Variants in XRN1 observed in about 807,000 individuals in gnomAD.
XRN1 encodes the protein 5'-3' exoribonuclease 1.
A neutral mutation model predicts 222.3 loss-of-function variants in XRN1; 67 were observed. That is an observed-to-expected ratio of 0.30 (90% CI 0.25 to 0.37). The LOEUF is 0.37. Among genes scored for constraint, XRN1 ranks in the 10% least tolerant of loss-of-function variants. The pLI is 1.00. For missense variants in XRN1, 1,707 were observed against 2,000.2 expected, an observed-to-expected ratio of 0.85 and a Z score of 2.80; for synonymous variants, 643 against 652.4, an observed-to-expected ratio of 0.99 and a Z score of 0.22.
At chr3:142,420,257 T>C (rs2068956949) in intron 10 of XRN1, 1 of 152,148 alleles carries the variant, frequency 6.6e-6, no homozygotes, top group Admixed American at 6.5e-5. Context: ...GCAGTTCAGT[T>C]TCCCACATTT....
chr3:142,427,939 T>C (rs1174595942), intron 2 of XRN1, among the ~76,000 whole-genome samples: 1 of 152,222 alleles, frequency 6.6e-6, no homozygotes, highest in Non-Finnish European at 1.5e-5. Context: ...GTTTAACTTC[T>C]CTCTCACCAA....
At chr3:142,331,925 C>T (rs1170152225) in intron 36 of XRN1, among the ~76,000 whole-genome samples, 3 of 152,114 alleles carry the variant, frequency 2.0e-5, no homozygotes, top group Non-Finnish European at 4.4e-5. Flanking sequence ...CAGGCACACG[C>T]CACCACACCT....
Position 142,365,355 on chromosome 3 carries a change from A to C in XRN1, c.3216T>G (p.Asn1072Lys). ...TCACTGTTACTCGCACCTTCTTATT[A>C]TTCTTTCTTTGCTGAGGAAAAAGAA... ...EEVEKCKQRK[N>K]NKKVRVTVKP... The change falls in exon 28 of 41, where the codon AAT becomes AAG. Residue 1072 changes from asparagine (N) to lysine (K), a missense_variant. This residue lies in a region of XRN1 where 1,234 missense variants were observed against 1,518.2 expected (regional missense o/e 0.81). Transcript: ENST00000392981. 2 of 1,567,726 alleles carry C rather than the reference A, an allele frequency of 1.3e-6. No individual in the cohort carries two copies. Among genetic ancestry groups the C allele is most frequent in the Non-Finnish European group, 1.7e-6 (2 of 1,156,456 alleles).
chr3:142,314,329 C>A (rs987861926), intron 39 of XRN1, among the ~76,000 whole-genome samples: 2 of 151,970 alleles, frequency 1.3e-5, no homozygotes, highest in South Asian at 2.1e-4. Context: ...ATAAACTAAT[C>A]AACATGAAAA....
chr3:142,428,525 T>C (rs538162527), intron 2 of XRN1, among the ~76,000 whole-genome samples: 3 of 152,272 alleles, frequency 2.0e-5, no homozygotes, highest in Admixed American at 6.5e-5. Flanking sequence ...GGTAAGACTA[T>C]TGAAGTAATC....
chr3:142,382,142 T>C (rs2067325181), intron 22 of XRN1, among the ~76,000 whole-genome samples: 1 of 152,122 alleles, frequency 6.6e-6, no homozygotes, highest in African/African-American at 2.4e-5. Flanking sequence ...TCCTGCATAA[T>C]TACAGTTTTC....
Position 142,418,983 on chromosome 3 carries a change from T to C in XRN1, c.1174-102A>G. 3 of 1,047,572 alleles carry C rather than the reference T, an allele frequency of 2.9e-6. No homozygotes were observed. In the Admixed American group the frequency reaches 5.3e-5, roughly 18 times the overall value. 64.9% of individuals were successfully genotyped at this position (1,047,572 alleles called of 1,614,324 possible). ...CATTTGCTTTTCTATAGTTCTTCCA[T>C]GTTATAACATCCTTCATATCCTGCC... On this transcript the variant is annotated intron_variant, in intron 10 of 40. Transcript: ENST00000392981.
At chr3:142,368,340 G>A (rs920364201) in intron 27 of XRN1, among the ~76,000 whole-genome samples, 10 of 151,996 alleles carry the variant, frequency 6.6e-5, no homozygotes, top group Non-Finnish European at 1.0e-4. Context: ...TTAGAGACAG[G>A]GTTTCACCAT....
At chr3:142,347,920 G>T (rs2066195183) in intron 32 of XRN1, among the ~76,000 whole-genome samples, 1 of 151,998 alleles carries the variant, frequency 6.6e-6, no homozygotes, top group Non-Finnish European at 1.5e-5. Flanking sequence ...TTCAATAAAA[G>T]AATTAAATCT....
intron 33 of XRN1, among the ~76,000 whole-genome samples, chr3:142,343,887 G>A (rs952168785): frequency 4.6e-5 from 7 of 152,140 alleles, no homozygotes; most frequent in Admixed American, 6.5e-5. Context: ...TATACACAAT[G>A]GAGTACTATT....
intron 2 of XRN1, among the ~76,000 whole-genome samples, chr3:142,429,377 T>C (rs1490362369): frequency 1.3e-5 from 2 of 152,068 alleles, no homozygotes; most frequent in African/African-American, 2.4e-5. Context: ...CTTGAACTCC[T>C]GACCTTGTGA....
rs1306613336 is a variant in XRN1 at position 142,365,354 on chromosome 3, T to C, written c.3217A>G (p.Asn1073Asp). The C allele has an allele frequency of 6.4e-6, 10 of 1,567,640 alleles. No individual in the cohort carries two copies. Among genetic ancestry groups the C allele is most frequent in the Non-Finnish European group, 8.6e-6 (10 of 1,156,554 alleles). The change falls in exon 28 of 41, where the codon AAT (asparagine) becomes GAT (aspartate). Residue 1073 changes from asparagine to aspartate, a missense_variant. Transcript: ENST00000392981. Reference protein sequence around the residue: ...EVEKCKQRKNNKKVRVTVKPH... With the variant: ...EVEKCKQRKNDKKVRVTVKPH... ...TTCACTGTTACTCGCACCTTCTTATTATTCTTTCTTTGCTGAGGAAAAAGA... is the reference window on the plus strand; with the variant it reads ...TTCACTGTTACTCGCACCTTCTTATCATTCTTTCTTTGCTGAGGAAAAAGA...
chr3:142,447,840 T>C lies in XRN1; in HGVS notation c.75+30A>G. 6.2e-7 allele frequency: 1 copy of C among 1,612,312 alleles called. No homozygotes were observed. Among genetic ancestry groups the C allele is most frequent in the South Asian group, 1.1e-5 (1 of 90,982 alleles). On this transcript the variant is annotated intron_variant, in intron 1 of 40. Transcript: ENST00000392981. The surrounding 1 kb of genome is among the most constrained non-coding windows in gnomAD (Gnocchi z 4.2). ...GGCCGCGGAGCCCCGGGTCCTCGGC[T>C]TTCTGAGCCGTTGCCCCTCGCTCAC...
intron 27 of XRN1, among the ~76,000 whole-genome samples, chr3:142,365,946 A>T (rs1442419216): frequency 1.3e-5 from 2 of 152,192 alleles, no homozygotes; most frequent in Non-Finnish European, 2.9e-5. Flanking sequence ...ACTTATAAAA[A>T]TTATGGTGGC....
rs2068086886 is a variant in XRN1, at chr3:142,400,532, C to G, written c.2119G>C (p.Ala707Pro). 2.5e-6 allele frequency: 4 copies of G among 1,610,902 alleles called. No homozygotes were observed. Among genetic ancestry groups the G allele is most frequent in the Non-Finnish European group, 3.4e-6 (4 of 1,178,278 alleles). The change falls in exon 19 of 41, where the codon GCT becomes CCT. Residue 707 changes from alanine to proline, a missense_variant. Around this residue, in one of 2 missense-constraint regions of XRN1, gnomAD observed 1,234 missense variants for 1,518.2 expected, o/e 0.81. Coordinates refer to ENST00000392981, the MANE Select transcript of XRN1 (RefSeq NM_001282857.2). ...ESDELTVENVASSVLGKSVFV... is the reference protein window; with the variant it reads ...ESDELTVENVPSSVLGKSVFV... ...ACAGATTTTCCAAGCACTGATGAAG[C>G]TACATTTTCTACGGTCTTAAAGTAA... is the stretch of plus-strand genomic sequence containing the variant.
chr3:142,402,498 A>T (rs1419941968), intron 18 of XRN1, among the ~76,000 whole-genome samples: 1 of 152,118 alleles, frequency 6.6e-6, no homozygotes, highest in African/African-American at 2.4e-5. Context: ...CAGACTTTCT[A>T]AACAGGTTTT....
At chr3:142,341,786 CA>C (rs1300054244) in intron 33 of XRN1, among the ~76,000 whole-genome samples, 1 of 151,948 alleles carries the variant, frequency 6.6e-6, no homozygotes, top group Admixed American at 6.6e-5. Context: ...TTATATTAGA[CA>C]AAATACATTT....
Position 142,357,120 on chromosome 3 carries a change from C to A in XRN1, c.3465-1G>T. 1 of 1,604,060 alleles carries A rather than the reference C, an allele frequency of 6.2e-7. No homozygotes were observed. The highest frequency in any genetic ancestry group is 8.5e-7 in the Non-Finnish European group (1 of 1,174,744). ...TCGATAACCTCTACCAGGTGAGCAT[C>A]TAAAAGTAAAAGTTATATCAGGGTT... On this transcript the variant is annotated splice_acceptor_variant, in intron 30 of 40. Coordinates refer to ENST00000392981, the MANE Select transcript of XRN1 (RefSeq NM_001282857.2). LOFTEE classifies it high-confidence loss of function.
chr3:142,314,832 G>T (rs2065163244), intron 39 of XRN1, among the ~76,000 whole-genome samples: 1 of 142,578 alleles, frequency 7.0e-6, no homozygotes, highest in Non-Finnish European at 1.5e-5. Flanking sequence ...TGAGCCCAAG[G>T]AGGTTGAGGC....
Sources: gnomAD v4.1 joint callset for allele counts (sites outside exome capture counted in the v4.1 genomes callset) on GRCh38, gnomAD v4.1.1 for gene constraint, gnomAD v4.1.1 regional missense constraint, Gnocchi (gnomAD v3.1) non-coding constraint, MANE v1.5 for transcripts, NCBI Gene and HGNC (gene_info 2026-07-23, HGNC 2026-07-21) for gene names.